The following PRKN variants were observed in gnomAD, a reference collection of about 807,000 sequenced individuals.
The protein encoded by PRKN is parkin RBR E3 ubiquitin protein ligase, also known as E3 ubiquitin-protein ligase parkin.
Under a neutral mutation model 59.5 loss-of-function variants are expected in PRKN, and 56 were observed. The ratio of observed to expected loss-of-function variants is 0.94; its 90% CI spans 0.76 to 1.18. PRKN has a LOEUF of 1.18. PRKN is among the 50% of genes most tolerant of loss of function. The probability of loss-of-function intolerance (pLI) is 0.00; values close to 1 mark genes in which losing one functional copy is unlikely to be tolerated. For synonymous variants in PRKN, 250 were observed against 222.1 expected (o/e 1.13, Z -1.12); for missense variants, 657 against 596.4 (o/e 1.10, Z -1.06).
At chr6:161,766,156 T>G (rs1789413631) in intron 7 of PRKN, among the ~76,000 whole-genome samples, 1 of 152,174 alleles carries the variant, frequency 6.6e-6, no homozygotes, top group Admixed American at 6.5e-5. Flanking sequence ...CAAAAATATA[T>G]AGTATTAAGA....
intron 1 of PRKN, among the ~76,000 whole-genome samples, chr6:162,647,135 T>C (rs796882538): frequency 7.9e-5 from 12 of 152,164 alleles, no homozygotes; most frequent in African/African-American, 2.9e-4. Context: ...GAGCAATTTC[T>C]CATCATTCTC....
chr6:162,088,841 C>T (rs904876090), intron 4 of PRKN, among the ~76,000 whole-genome samples: 2 of 152,130 alleles, frequency 1.3e-5, no homozygotes, highest in Admixed American at 1.3e-4. Flanking sequence ...AAAAATAATC[C>T]CCTCAATAAA....
At chr6:161,646,797 T>A (rs759753784) in intron 7 of PRKN, among the ~76,000 whole-genome samples, 1 of 152,120 alleles carries the variant, frequency 6.6e-6, no homozygotes, top group Non-Finnish European at 1.5e-5. Context: ...AGGATTGGGA[T>A]CTTGAGTTTA....
At chr6:162,329,326 C>T (rs891211466) in intron 2 of PRKN, among the ~76,000 whole-genome samples, 2 of 152,070 alleles carry the variant, frequency 1.3e-5, no homozygotes, top group Non-Finnish European at 2.9e-5. Context: ...GTGGTAGCTC[C>T]GATAGCCAGT....
At chr6:161,450,791 G>A (rs113208027) in intron 9 of PRKN, among the ~76,000 whole-genome samples, 2,707 of 152,226 alleles carry the variant, frequency 0.018, 33 homozygotes, top group African/African-American at 0.039. Flanking sequence ...TCCTGACCTC[G>A]TGATCTGCCC....
Position 162,333,228 on chromosome 6 carries a change from C to CT in PRKN, c.172-70464dup, listed in dbSNP as rs200926335. Among the ~76,000 whole-genome samples the CT allele has an allele frequency of 9.4e-3, 1,292 of 137,972 alleles. 7 individuals are homozygous for CT. Among genetic ancestry groups the CT allele is most frequent in the African/African-American group, 0.02 (764 of 37,540 alleles). 90.5% of individuals were successfully genotyped at this position (137,972 alleles called of 152,430 possible). On this transcript the variant is annotated intron_variant, in intron 2 of 11. Transcript: ENST00000366898. ...AGCAAATAAAATGCCACATTAAAAT[C>CT]TTTTTTTTTTTTTTTTTGAAACAGG...
intron 4 of PRKN, among the ~76,000 whole-genome samples, chr6:162,101,569 G>T (rs1239066328): frequency 1.3e-5 from 2 of 151,926 alleles, no homozygotes; most frequent in African/African-American, 4.8e-5. Context: ...CTACTTGGGA[G>T]GCTGAGGCAG....
chr6:162,373,686 C>A (rs955238789), intron 2 of PRKN, among the ~76,000 whole-genome samples: 2 of 152,122 alleles, frequency 1.3e-5, no homozygotes, highest in Non-Finnish European at 2.9e-5. Context: ...TCTTACATAT[C>A]TTTTGTTCCT....
chr6:162,475,019 C>G (rs1791932606), intron 1 of PRKN, among the ~76,000 whole-genome samples: 1 of 152,150 alleles, frequency 6.6e-6, no homozygotes, highest in East Asian at 1.9e-4. Context: ...ATTTTCCCCT[C>G]CAGACATAAG....
At chr6:162,032,634 A>C (rs1783683912) in intron 5 of PRKN, among the ~76,000 whole-genome samples, 1 of 152,204 alleles carries the variant, frequency 6.6e-6, no homozygotes, top group Admixed American at 6.5e-5. Context: ...ATATCGATGA[A>C]AAAAGCGAAG....
At chr6:162,469,309 A>C in intron 1 of PRKN, among the ~76,000 whole-genome samples, 1 of 132,910 alleles carries the variant, frequency 7.5e-6, no homozygotes, top group Non-Finnish European at 1.6e-5. Context: ...CACTGACACT[A>C]ATGAAGAATT....
At chr6:162,249,697 C>G (rs1779344641) in intron 3 of PRKN, among the ~76,000 whole-genome samples, 1 of 152,032 alleles carries the variant, frequency 6.6e-6, no homozygotes, top group African/African-American at 2.4e-5. Context: ...TTATCTGGGT[C>G]AAATTATATG....
chr6:161,690,434 A>C (rs1421754277), intron 7 of PRKN, among the ~76,000 whole-genome samples: 3 of 152,210 alleles, frequency 2.0e-5, no homozygotes, highest in Admixed American at 2.0e-4. Flanking sequence ...AAGAATCTGG[A>C]AGATGCTGGA....
At chr6:162,240,379 A>G (rs768757820) in intron 3 of PRKN, among the ~76,000 whole-genome samples, 1 of 152,070 alleles carries the variant, frequency 6.6e-6, no homozygotes, top group Non-Finnish European at 1.5e-5. Context: ...CGCATGCCCT[A>G]TGTGTGGACT....
intron 7 of PRKN, among the ~76,000 whole-genome samples, chr6:161,691,501 A>G (rs756829464): frequency 3.3e-4 from 51 of 152,242 alleles, no homozygotes; most frequent in Non-Finnish European, 4.7e-4. Flanking sequence ...CATGGGGAAT[A>G]GGACTTTCTG....
intron 4 of PRKN, among the ~76,000 whole-genome samples, chr6:162,134,109 G>A (rs1781479617): frequency 1.3e-5 from 2 of 152,140 alleles, no homozygotes; most frequent in Admixed American, 6.6e-5. Context: ...TATGGTAGGT[G>A]TTATCACTAT....
chr6:162,376,332 T>C (rs1284738096), intron 2 of PRKN, among the ~76,000 whole-genome samples: 1 of 152,106 alleles, frequency 6.6e-6, no homozygotes, highest in Non-Finnish European at 1.5e-5. Context: ...AAAAGAACAC[T>C]AGAGTGGCAA....
At chr6:161,815,756 C>G (rs2155489) in intron 6 of PRKN, among the ~76,000 whole-genome samples, 36,560 of 151,936 alleles carry the variant, frequency 0.24, 4,701 homozygotes, top group Non-Finnish European at 0.3. Context: ...CGGAATTGAA[C>G]CCACAGGTCT....
At chr6:161,974,400 G>A (rs1390277704) in intron 5 of PRKN, among the ~76,000 whole-genome samples, 1 of 152,152 alleles carries the variant, frequency 6.6e-6, no homozygotes, top group East Asian at 1.9e-4. Flanking sequence ...GTATCTTGCT[G>A]CTTCTTAGTT....
Sources: gnomAD v4.1 joint callset for allele counts (sites outside exome capture counted in the v4.1 genomes callset) on GRCh38, gnomAD v4.1.1 for gene constraint, MANE v1.5 for transcripts, NCBI Gene and HGNC (gene_info 2026-07-23, HGNC 2026-07-21) for gene names.